Variants in CROT observed in about 807,000 individuals in gnomAD.
CROT encodes the protein peroxisomal carnitine O-octanoyltransferase.
In CROT, 84 loss-of-function variants were observed where a neutral mutation model predicts 89.2. The observed-to-expected ratio is 0.94, with a 90% CI of 0.79 to 1.13. The LOEUF is 1.13. CROT is among the 50% of genes most tolerant of loss of function. CROT has a pLI of 0.00. For missense variants in CROT, 711 were observed against 727.8 expected, an observed-to-expected ratio of 0.98 and a Z score of 0.27; for synonymous variants, 212 against 239.5, an observed-to-expected ratio of 0.89 and a Z score of 1.06.
chr7:87,370,839 C>T (rs1027456254), intron 7 of CROT, among the ~76,000 whole-genome samples: 1 of 152,176 alleles, frequency 6.6e-6, no homozygotes, highest in Non-Finnish European at 1.5e-5. Flanking sequence ...GTCTGGAGCA[C>T]ACCCAGGAGA....
chr7:87,393,421 T>C (rs1049667333), intron 17 of CROT, among the ~76,000 whole-genome samples: 2 of 152,204 alleles, frequency 1.3e-5, no homozygotes, highest in Non-Finnish European at 2.9e-5. Context: ...GTTCATGTAG[T>C]CATAGACAAT....
At chr7:87,394,727 A>C (rs969192358) in intron 17 of CROT, among the ~76,000 whole-genome samples, 1 of 152,134 alleles carries the variant, frequency 6.6e-6, no homozygotes, top group Non-Finnish European at 1.5e-5. Context: ...AGGCATACCT[A>C]TAGACTCTAC....
At chr7:87,362,010 T>G (rs1200118262) in intron 6 of CROT, among the ~76,000 whole-genome samples, 158 bp downstream of exon 6, 1 of 152,228 alleles carries the variant, frequency 6.6e-6, no homozygotes, top group Non-Finnish European at 1.5e-5. Context: ...TCTGATTAGA[T>G]GTAATTTATG....
intron 13 of CROT, among the ~76,000 whole-genome samples, chr7:87,389,769 T>C (rs1025058702): frequency 3.2e-4 from 49 of 152,276 alleles, no homozygotes; most frequent in African/African-American, 1.1e-3. Context: ...CTTTAAAGTA[T>C]AATAAAAAAA....
At chr7:87,363,646 T>C (rs912553413) in intron 6 of CROT, among the ~76,000 whole-genome samples, 1 of 152,232 alleles carries the variant, frequency 6.6e-6, no homozygotes, top group African/African-American at 2.4e-5. Flanking sequence ...GTAAGGTTTT[T>C]GGCTTGCGTT....
intron 13 of CROT, among the ~76,000 whole-genome samples, chr7:87,387,767 C>T (rs551058608): frequency 6.6e-6 from 1 of 152,242 alleles, no homozygotes; most frequent in South Asian, 2.1e-4. Context: ...GCCTGGCCAA[C>T]ATGGTAAAAC....
intron 13 of CROT, among the ~76,000 whole-genome samples, chr7:87,391,338 C>CA: frequency 6.6e-6 from 1 of 152,194 alleles, no homozygotes; most frequent in Non-Finnish European, 1.5e-5. Context: ...AGGCAGGAAT[C>CA]ACGGGGGCCA....
intron 13 of CROT, among the ~76,000 whole-genome samples, chr7:87,387,687 C>T (rs565315476): frequency 1.6e-4 from 24 of 152,312 alleles, no homozygotes; most frequent in African/African-American, 5.1e-4. Flanking sequence ...CATGGTGGCT[C>T]ACACCTGTAA....
chr7:87,375,883 T>A lies in CROT; in HGVS notation c.806T>A (p.Ile269Asn), dbSNP rs772255899. 1.2e-5 allele frequency: 19 copies of A among 1,613,388 alleles called. No individual in the cohort carries two copies. The highest frequency in any genetic ancestry group is 1.3e-5 in the Non-Finnish European group (15 of 1,179,566). The part of the protein sequence containing the change: ...DPENLALLEK[I>N]QSSLLVYSME... ...GAGAACTTGGCTTTGTTAGAAAAAA[T>A]TCAGAGTAGTTTACTGGTATATTCC... The change falls in exon 9 of 18, where the codon ATT becomes AAT. Residue 269 changes from isoleucine (I) to asparagine (N), a missense_variant. Physicochemically the swap from Ile to Asn is moderately radical, Grantham distance 149. Transcript: ENST00000331536.
intron 17 of CROT, 125 bp downstream of exon 17, chr7:87,393,192 AT>A (rs1807425329): frequency 4.7e-6 from 5 of 1,068,418 alleles, no homozygotes; most frequent in Non-Finnish European, 6.7e-6. Flanking sequence ...ATAAGTAACT[AT>A]TTTTTTCCAC....
In CROT at chr7:87,382,597, T is replaced by C. The variant is rs79191218; in HGVS notation, c.1301+54T>C. ...AGTCTTGAAGTCCAAGGGTATATCT[T>C]TTTTTATAGCTATTTCATCCTAACT... On this transcript the variant is annotated intron_variant, in intron 13 of 17. Transcript: ENST00000331536. 4,074 of 1,534,202 alleles carry C rather than the reference T, an allele frequency of 2.7e-3. 74 individuals are homozygous for C. The African/African-American group carries it at 0.042, about 16-fold the overall frequency.
At chr7:87,360,006 A>C in intron 4 of CROT, 1 of 981,492 alleles carries the variant, frequency 1.0e-6, no homozygotes, top group Non-Finnish European at 1.2e-6. Context: ...ATTTTTTTTG[A>C]TGAACCATTT....
At chr7:87,369,611 T>A (rs905374824) in intron 7 of CROT, 127 bp downstream of exon 7, 17 of 344,254 alleles carry the variant, frequency 4.9e-5, no homozygotes, top group African/African-American at 2.6e-4. Context: ...CATGCTTTTT[T>A]AAAAAAAAAT....
chr7:87,365,381 G>A (rs192721161), intron 6 of CROT, among the ~76,000 whole-genome samples: 177 of 151,960 alleles, frequency 1.2e-3, no homozygotes, highest in African/African-American at 4.1e-3. Context: ...TCCCAGCTAC[G>A]CGGGAAGCTG....
chr7:87,346,082 A>G (rs977628953), intron 1 of CROT, among the ~76,000 whole-genome samples: 1 of 152,150 alleles, frequency 6.6e-6, no homozygotes, highest in Non-Finnish European at 1.5e-5. Context: ...CCTGTTACCC[A>G]GCCACTGAAA....
At chr7:87,349,314 G>A in intron 3 of CROT, 131 bp downstream of exon 3, 1 of 465,230 alleles carries the variant, frequency 2.1e-6, no homozygotes, top group Middle Eastern at 5.7e-4. Context: ...TTGCAGGAAG[G>A]AATTCAAGGT....
Position 87,393,499 on chromosome 7 carries a change from C to A in CROT, c.1718+432C>A, listed in dbSNP as rs558418387. 7.2e-5 allele frequency among the ~76,000 whole-genome samples: 11 copies of A among 152,218 alleles called. No homozygotes were observed. In the South Asian group the frequency reaches 2.3e-3, roughly 32 times the overall value. On this transcript the variant is annotated intron_variant, in intron 17 of 17. Transcript: ENST00000331536. ...TAAAACAGTTTTACCAATTCAGATGCAGTTCACTTGGGCTGTGTGGAGTTT... is the reference window on the plus strand; with the variant it reads ...TAAAACAGTTTTACCAATTCAGATGAAGTTCACTTGGGCTGTGTGGAGTTT...
chr7:87,396,687 T>C (rs1301186439), intron 17 of CROT, among the ~76,000 whole-genome samples: 1 of 42,540 alleles, frequency 2.4e-5, no homozygotes, highest in Non-Finnish European at 6.1e-5. Flanking sequence ...TACATGCTGA[T>C]TGTAAAAAAA....
chr7:87,357,513 G>C (rs1458557223), intron 3 of CROT: 1 of 1,549,910 alleles, frequency 6.5e-7, no homozygotes, highest in East Asian at 2.4e-5. Flanking sequence ...GTAGTCACCA[G>C]AACATGCTAC....
Sources: allele counts gnomAD v4.1 joint callset (sites outside exome capture counted in the v4.1 genomes callset), GRCh38; gene constraint gnomAD v4.1.1; transcripts MANE v1.5; gene names NCBI Gene and HGNC (gene_info 2026-07-23, HGNC 2026-07-21).